The following RNLS variants were observed in gnomAD, a reference collection of about 807,000 sequenced individuals.
RNLS encodes renalase, FAD dependent amine oxidase.
A neutral mutation model predicts 39.8 loss-of-function variants in RNLS; 39 were observed. The ratio of observed to expected loss-of-function variants is 0.98; its 90% CI spans 0.76 to 1.28. The LOEUF is 1.28. RNLS is among the 50% of genes most tolerant of loss of function. RNLS has a pLI of 0.00. For synonymous variants in RNLS, 147 were observed against 150.7 expected (o/e 0.98, Z 0.18); for missense variants, 410 against 413.3 (o/e 0.99, Z 0.07).
the RNLS span, among the ~76,000 whole-genome samples, chr10:88,194,673 T>A: frequency 6.6e-6 from 1 of 152,196 alleles, no homozygotes; most frequent in Non-Finnish European, 1.5e-5. Context: ...TCTGGAGAAA[T>A]GATTAAAAAT....
chr10:88,416,589 T>G lies in RNLS; in HGVS notation c.527-53864A>C, dbSNP rs186092222. Among the ~76,000 whole-genome samples the G allele has an allele frequency of 5.7e-3, 864 of 152,320 alleles. 5 individuals carry two copies. The highest frequency in any genetic ancestry group is 0.011 in the Non-Finnish European group (715 of 68,022). ...TAATTGGCAAAGTCTATTAGATTTCTTTTGAGGACTTTCATTATTTTATTT... is the reference window on the plus strand; with the variant it reads ...TAATTGGCAAAGTCTATTAGATTTCGTTTGAGGACTTTCATTATTTTATTT... On this transcript the variant is annotated intron_variant, in intron 4 of 6. Coordinates refer to ENST00000331772, the MANE Select transcript of RNLS (RefSeq NM_001031709.3).
At chr10:88,537,970 G>A (rs1303073969) in intron 4 of RNLS, among the ~76,000 whole-genome samples, 1 of 152,030 alleles carries the variant, frequency 6.6e-6, no homozygotes, top group Non-Finnish European at 1.5e-5. Context: ...AGGGGAACTT[G>A]GAGAAAAAAA....
intron 4 of RNLS, among the ~76,000 whole-genome samples, chr10:88,502,103 T>C (rs144362328): frequency 3.0e-4 from 45 of 152,214 alleles, no homozygotes; most frequent in African/African-American, 1.1e-3. Flanking sequence ...TATATCAAAT[T>C]AGGGTCCATC....
At position 88,290,203 on chromosome 10, in the gene RNLS, C is replaced by T. The variant is rs1288510924; in HGVS notation, c.877-4697G>A. Among the ~76,000 whole-genome samples the T allele has an allele frequency of 5.9e-5, 9 of 152,112 alleles. No individual in the cohort carries two copies. In the South Asian group the frequency reaches 6.2e-4, roughly 10 times the overall value. On this transcript the variant is annotated intron_variant, in intron 6 of 6. Coordinates refer to ENST00000331772, the MANE Select transcript of RNLS (RefSeq NM_001031709.3). ...TCATATCTATGCTAAAGCTACAGTGCGTCCCTGGACTAGGAGACATTTCCC... is the reference window on the plus strand; with the variant it reads ...TCATATCTATGCTAAAGCTACAGTGTGTCCCTGGACTAGGAGACATTTCCC...
chr10:88,231,698 A>G, the RNLS span, among the ~76,000 whole-genome samples: 1 of 152,194 alleles, frequency 6.6e-6, no homozygotes, highest in Non-Finnish European at 1.5e-5. Flanking sequence ...GACCACTGGC[A>G]AATAAGCAAG....
At chr10:88,534,073 T>C (rs993002518) in intron 4 of RNLS, among the ~76,000 whole-genome samples, 5 of 152,058 alleles carry the variant, frequency 3.3e-5, no homozygotes, top group Admixed American at 3.3e-4. Context: ...CCTGATTAGC[T>C]AAGGGAAGAA....
chr10:88,421,045 GT>G (rs1854375305), intron 4 of RNLS, among the ~76,000 whole-genome samples: 2 of 152,202 alleles, frequency 1.3e-5, no homozygotes, highest in African/African-American at 4.8e-5. Flanking sequence ...TCCCACCCCT[GT>G]TTCATGGGAT....
At chr10:88,319,516 C>A (rs1789170785) in intron 5 of RNLS, among the ~76,000 whole-genome samples, 1 of 151,588 alleles carries the variant, frequency 6.6e-6, no homozygotes, top group East Asian at 1.9e-4. Flanking sequence ...AAGTTGAAAT[C>A]CAATACAAAG....
At chr10:88,562,999 G>A (rs765492286) in intron 4 of RNLS, among the ~76,000 whole-genome samples, 6 of 152,004 alleles carry the variant, frequency 3.9e-5, no homozygotes, top group Non-Finnish European at 8.8e-5. Flanking sequence ...TTCTTAACAT[G>A]CCTAATAAGT....
chr10:88,534,221 T>C (rs1282398063), intron 4 of RNLS, among the ~76,000 whole-genome samples: 2 of 152,126 alleles, frequency 1.3e-5, no homozygotes, highest in Non-Finnish European at 1.5e-5. Context: ...AAATTTGTTT[T>C]ATGGACTGGA....
intron 5 of RNLS, among the ~76,000 whole-genome samples, chr10:88,353,164 T>C (rs1034197906): frequency 3.9e-5 from 6 of 152,206 alleles, no homozygotes; most frequent in African/African-American, 1.4e-4. Flanking sequence ...CCTGGATTCA[T>C]TGATTTTTTG....
At chr10:88,192,574 A>T in the RNLS span, among the ~76,000 whole-genome samples, 2 of 152,186 alleles carry the variant, frequency 1.3e-5, no homozygotes, top group African/African-American at 4.8e-5. Flanking sequence ...AATTTTCCAC[A>T]CCTACTTGAC....
At chr10:88,482,306 CTGCTCTGCAA>C (rs2134023734) in intron 4 of RNLS, among the ~76,000 whole-genome samples, 1 of 152,286 alleles carries the variant, frequency 6.6e-6, no homozygotes, top group African/African-American at 2.4e-5. Context: ...TGTTGTCCCA[CTGCTCTGCAA>C]GGCTCTGCTC....
rs573054545 is a variant in RNLS, at chr10:88,315,122, C to G, written c.701-481G>C. 2.0e-5 allele frequency among the ~76,000 whole-genome samples: 3 copies of G among 152,168 alleles called. No individual in the cohort carries two copies. In the South Asian group the frequency reaches 6.2e-4, roughly 32 times the overall value. ...TGTTGAAATTACACAAATGTCAGAACAAAAAGAAACCAAGCTCCTCTCTGA... is the reference window on the plus strand; with the variant it reads ...TGTTGAAATTACACAAATGTCAGAAGAAAAAGAAACCAAGCTCCTCTCTGA... On this transcript the variant is annotated intron_variant, in intron 5 of 6. Coordinates refer to ENST00000331772, the MANE Select transcript of RNLS (RefSeq NM_001031709.3).
In RNLS at chr10:88,583,118, A is replaced by AC; in HGVS notation, c.72dup (p.Ser25ValfsTer13). The AC allele has an allele frequency of 6.2e-7, 1 of 1,614,142 alleles. No individual in the cohort carries two copies. The highest frequency in any genetic ancestry group is 8.5e-7 in the Non-Finnish European group (1 of 1,179,974). Reference sequence around the variant, plus strand: ...CACACAGCAAGGTACAAGGGACCGGACGTCTGCCTCCTCAGCAGCGCAGCG... The same window carrying AC: ...CACACAGCAAGGTACAAGGGACCGGACCGTCTGCCTCCTCAGCAGCGCAGCG... On this transcript the variant is annotated frameshift_variant, in exon 1 of 7. Transcript: ENST00000331772. LOFTEE classifies it high-confidence loss of function.
intron 4 of RNLS, among the ~76,000 whole-genome samples, chr10:88,440,212 CATCTT>C (rs888593524): frequency 3.2e-4 from 49 of 152,264 alleles, no homozygotes; most frequent in African/African-American, 1.1e-3. Context: ...GTCCTCTTGA[CATCTT>C]AACAAGCACC....
chr10:88,480,747 T>A (rs1056304959), intron 4 of RNLS, among the ~76,000 whole-genome samples: 1 of 151,888 alleles, frequency 6.6e-6, no homozygotes, highest in African/African-American at 2.4e-5. Flanking sequence ...TTTTCTAAAA[T>A]TCTTATGGAA....
At chr10:88,355,016 A>G (rs1339482432) in intron 5 of RNLS, among the ~76,000 whole-genome samples, 1 of 152,186 alleles carries the variant, frequency 6.6e-6, no homozygotes, top group Non-Finnish European at 1.5e-5. Context: ...CGGCTACTGA[A>G]GCTTGTGCAT....
chr10:88,273,400 G>GT (rs1322961556), downstream of RNLS, among the ~76,000 whole-genome samples: 5 of 152,146 alleles, frequency 3.3e-5, no homozygotes, highest in Non-Finnish European at 7.4e-5. Context: ...CTCACTTGAT[G>GT]TTTTTTAGAA....
Sources: allele counts gnomAD v4.1 joint callset (sites outside exome capture counted in the v4.1 genomes callset), GRCh38; gene constraint gnomAD v4.1.1; transcripts MANE v1.5; gene names NCBI Gene and HGNC (gene_info 2026-07-23, HGNC 2026-07-21).